Variants in ETV6 observed in about 807,000 individuals in gnomAD.
ETV6 encodes the protein transcription factor ETV6.
ETV6 carries 16 observed loss-of-function variants against 51.1 expected under a neutral mutation model. That is an observed-to-expected ratio of 0.31 (90% CI 0.21 to 0.48). ETV6 has a LOEUF of 0.48. ETV6 is among the 20% of genes least tolerant of loss of function. The pLI, the probability that ETV6 is intolerant of heterozygous loss-of-function variation, is 0.99. For synonymous variants in ETV6, 240 were observed against 224.1 expected, an observed-to-expected ratio of 1.07 and a Z score of -0.64; for missense variants, 458 against 594.8, an observed-to-expected ratio of 0.77 and a Z score of 2.39.
At chr12:11,730,825 T>C (rs1448048629) in intron 1 of ETV6, among the ~76,000 whole-genome samples, 2 of 152,234 alleles carry the variant, frequency 1.3e-5, no homozygotes, top group Non-Finnish European at 2.9e-5. Context: ...TGCTGTTTGC[T>C]CTTCCCTAGA....
In ETV6 at chr12:11,879,637, T is replaced by C. The variant is rs900711942; in HGVS notation, c.1010-4808T>C. Among the ~76,000 whole-genome samples the C allele has an allele frequency of 6.6e-5, 10 of 152,222 alleles. No individual in the cohort carries two copies. In the East Asian group the frequency reaches 1.9e-3, roughly 29 times the overall value. On this transcript the variant is annotated intron_variant, in intron 5 of 7. Coordinates refer to ENST00000396373, the MANE Select transcript of ETV6 (RefSeq NM_001987.5). ...GCTAAACACTTTCATAAACTACTTCTCATGGAAAAGAAAATCCAAATAGTG... is the reference window on the plus strand; with the variant it reads ...GCTAAACACTTTCATAAACTACTTCCCATGGAAAAGAAAATCCAAATAGTG...
chr12:11,672,358 C>T (rs1214167540), intron 1 of ETV6, among the ~76,000 whole-genome samples: 1 of 152,102 alleles, frequency 6.6e-6, no homozygotes, highest in Non-Finnish European at 1.5e-5. Flanking sequence ...TATCTGCTCA[C>T]ACTTAGATTG....
chr12:11,747,951 G>A (rs1296760456), intron 1 of ETV6, among the ~76,000 whole-genome samples: 1 of 152,220 alleles, frequency 6.6e-6, no homozygotes, highest in East Asian at 1.9e-4. Context: ...TCCCATAGGA[G>A]AGGTTTCTTC....
At chr12:11,751,395 G>A in intron 1 of ETV6, 1 of 518,834 alleles carries the variant, frequency 1.9e-6, no homozygotes, top group Non-Finnish European at 3.8e-6. Context: ...CCATATTTTT[G>A]GATGTTGTGT....
At chr12:11,757,110 C>T (rs891226269) in intron 2 of ETV6, among the ~76,000 whole-genome samples, 13 of 152,124 alleles carry the variant, frequency 8.5e-5, no homozygotes, top group South Asian at 2.1e-4. Flanking sequence ...AATAGCCGCT[C>T]GGCGTTTTCT....
chr12:11,772,698 C>T (rs1009189274), intron 2 of ETV6, among the ~76,000 whole-genome samples: 2 of 152,190 alleles, frequency 1.3e-5, no homozygotes. Flanking sequence ...CGTCTGTTCA[C>T]CATTCTGCAT....
At chr12:11,696,256 G>A (rs1469884381) in intron 1 of ETV6, among the ~76,000 whole-genome samples, 1 of 152,044 alleles carries the variant, frequency 6.6e-6, no homozygotes, top group Non-Finnish European at 1.5e-5. Context: ...CCACTAGTAC[G>A]TACACTCCAT....
At chr12:11,749,050 T>C (rs1385288550) in intron 1 of ETV6, among the ~76,000 whole-genome samples, 1 of 152,170 alleles carries the variant, frequency 6.6e-6, no homozygotes, top group Non-Finnish European at 1.5e-5. Flanking sequence ...TGCTTCCCTT[T>C]TGTTCAGCTG....
intron 1 of ETV6, among the ~76,000 whole-genome samples, chr12:11,652,186 G>A (rs1863918811): frequency 6.6e-6 from 1 of 152,188 alleles, no homozygotes; most frequent in South Asian, 2.1e-4. Context: ...AGAAAGGAAA[G>A]AATCACTTTT....
rs1302873150 is a variant in ETV6, at chr12:11,809,839, G to A, written c.164-29301G>A. ...TTTTTTTTTTTTTTTTTTTTTTTTT[G>A]GAGAGAGTCTTGCTGTGTCACCCAG... On this transcript the variant is annotated intron_variant, in intron 2 of 7. Transcript: ENST00000396373. Among the ~76,000 whole-genome samples, 11 of 27,784 alleles carry A rather than the reference G, an allele frequency of 4.0e-4. No homozygotes were observed. The East Asian group carries it at 0.018, about 46-fold the overall frequency. 18.2% of individuals were successfully genotyped at this position (27,784 alleles called of 152,430 possible).
chr12:11,679,789 G>T (rs1456480134), intron 1 of ETV6, among the ~76,000 whole-genome samples: 1 of 151,508 alleles, frequency 6.6e-6, no homozygotes, highest in African/African-American at 2.4e-5. Context: ...TTAACTTTCA[G>T]ACTTGCTTGT....
intron 2 of ETV6, among the ~76,000 whole-genome samples, chr12:11,820,618 T>C: frequency 6.6e-6 from 1 of 152,010 alleles, no homozygotes; most frequent in African/African-American, 2.4e-5. Flanking sequence ...GAATAGTTCC[T>C]GGTAGGTCTG....
At chr12:11,796,005 T>A (rs538899245) in intron 2 of ETV6, among the ~76,000 whole-genome samples, 2 of 152,224 alleles carry the variant, frequency 1.3e-5, no homozygotes, top group African/African-American at 4.8e-5. Context: ...AATAACATCA[T>A]GAATTTGATC....
intron 2 of ETV6, among the ~76,000 whole-genome samples, chr12:11,786,504 G>C (rs1390779875): frequency 6.6e-6 from 1 of 152,136 alleles, no homozygotes; most frequent in Admixed American, 6.5e-5. Context: ...TAGGATTTCT[G>C]ATCAAATATG....
chr12:11,777,081 A>G (rs1945337444), intron 2 of ETV6, among the ~76,000 whole-genome samples: 1 of 152,068 alleles, frequency 6.6e-6, no homozygotes, highest in South Asian at 2.1e-4. Flanking sequence ...TGCTAAAAAT[A>G]TTTAAAAAAT....
chr12:11,712,103 G>A (rs956498290), intron 1 of ETV6, among the ~76,000 whole-genome samples: 8 of 152,138 alleles, frequency 5.3e-5, no homozygotes, highest in African/African-American at 9.7e-5. Context: ...TCAGGTGGAC[G>A]TTTGAACCCT....
chr12:11,768,997 C>T (rs1395841182), intron 2 of ETV6: 6 of 468,484 alleles, frequency 1.3e-5, no homozygotes, highest in Admixed American at 1.1e-4. Flanking sequence ...CCCGTAGGCT[C>T]AGTGCTAGTA....
At chr12:11,843,987 A>T (rs1419539820) in intron 3 of ETV6, among the ~76,000 whole-genome samples, 1 of 151,944 alleles carries the variant, frequency 6.6e-6, no homozygotes, top group Non-Finnish European at 1.5e-5. Context: ...CGTCACCTGG[A>T]CAGAATAATT....
chr12:11,664,529 G>C (rs918670308), intron 1 of ETV6, among the ~76,000 whole-genome samples: 20 of 152,022 alleles, frequency 1.3e-4, no homozygotes, highest in Admixed American at 3.9e-4. Context: ...TAAATGAATG[G>C]TTCTGTCAAG....
Sources: gnomAD v4.1 joint callset for allele counts (sites outside exome capture counted in the v4.1 genomes callset) on GRCh38, gnomAD v4.1.1 for gene constraint, MANE v1.5 for transcripts, NCBI Gene and HGNC (gene_info 2026-07-23, HGNC 2026-07-21) for gene names.